CCDC7: variants seen among roughly 807,000 people sequenced by gnomAD.
CCDC7 encodes the protein coiled-coil domain-containing protein 7.
In CCDC7, 183 loss-of-function variants were observed where a neutral mutation model predicts 196.9. The ratio of observed to expected loss-of-function variants is 0.93; its 90% CI spans 0.82 to 1.05. The LOEUF is 1.05. Ranked by LOEUF, CCDC7 falls within the 50% of genes least tolerant of loss-of-function variation. The pLI is 0.00. For missense variants in CCDC7, 1,540 were observed against 1,482.2 expected (o/e 1.04, Z -0.64); for synonymous variants, 525 against 484.6 (o/e 1.08, Z -1.10).
intron 21 of CCDC7, among the ~76,000 whole-genome samples, chr10:32,676,692 A>G (rs1057013188): frequency 6.6e-6 from 1 of 152,076 alleles, no homozygotes; most frequent in Non-Finnish European, 1.5e-5. Context: ...ACCAGTTAGA[A>G]TGGCAATCAT....
chr10:32,658,728 A>G (rs1164765722), intron 20 of CCDC7, among the ~76,000 whole-genome samples: 3 of 152,230 alleles, frequency 2.0e-5, no homozygotes, highest in African/African-American at 4.8e-5. Context: ...CCTGGAGGAT[A>G]TTATGCTAAG....
At chr10:32,705,447 G>A (rs2079553022) in intron 24 of CCDC7, among the ~76,000 whole-genome samples, 1 of 152,094 alleles carries the variant, frequency 6.6e-6, no homozygotes, top group South Asian at 2.1e-4. Flanking sequence ...CAAAATGACA[G>A]GATCAAATTC....
At chr10:32,771,305 A>G (rs534835814) in intron 28 of CCDC7, among the ~76,000 whole-genome samples, 6 of 152,186 alleles carry the variant, frequency 3.9e-5, no homozygotes, top group African/African-American at 1.2e-4. Context: ...AAATGACTTT[A>G]TTTCTTCTTC....
At chr10:32,515,528 G>C (rs981704858) in intron 9 of CCDC7, among the ~76,000 whole-genome samples, 1 of 152,002 alleles carries the variant, frequency 6.6e-6, no homozygotes, top group Non-Finnish European at 1.5e-5. Flanking sequence ...AAAGAACGAG[G>C]CTGGATTACT....
At chr10:32,681,970 C>G (rs1363119264) in intron 21 of CCDC7, among the ~76,000 whole-genome samples, 1 of 152,040 alleles carries the variant, frequency 6.6e-6, no homozygotes, top group Non-Finnish European at 1.5e-5. Flanking sequence ...CTGTGCGAAT[C>G]CTGACTAATC....
At position 32,717,610 on chromosome 10, in the gene CCDC7, C is replaced by G. The variant is rs535550650; in HGVS notation, c.2569+5880C>G. ...GGAGCTGTTTTTTTGAAAAATTTAA[C>G]AAAATAGATAGACCACGAGCCAGAC... is the stretch of plus-strand genomic sequence containing the variant. On this transcript the variant is annotated intron_variant, in intron 25 of 41. Transcript: ENST00000639629. Among the ~76,000 whole-genome samples the G allele has an allele frequency of 2.7e-3, 399 of 149,802 alleles. 4 individuals are homozygous for G. Among genetic ancestry groups the G allele is most frequent in the Non-Finnish European group, 4.9e-3 (335 of 67,902 alleles).
intron 13 of CCDC7, among the ~76,000 whole-genome samples, chr10:32,548,244 G>T (rs182254872): frequency 1.3e-5 from 2 of 152,218 alleles, no homozygotes; most frequent in East Asian, 3.9e-4. Flanking sequence ...GGGTTGGACC[G>T]CACAGTCTAA....
intron 13 of CCDC7, among the ~76,000 whole-genome samples, chr10:32,550,143 A>G (rs2136293058): frequency 6.8e-6 from 1 of 146,050 alleles, no homozygotes; most frequent in East Asian, 2.1e-4. Flanking sequence ...TTGGCTAGGT[A>G]TATTCTTAAG....
rs189950131 is a variant in CCDC7, at chr10:32,462,578, G to A, written c.457-105G>A. 2.4e-4 allele frequency: 216 copies of A among 915,914 alleles called. 1 individual carries two copies. In the Admixed American group the frequency reaches 7.1e-3, roughly 30 times the overall value. 56.7% of individuals were successfully genotyped at this position (915,914 alleles called of 1,614,324 possible). A position where few individuals can be genotyped will look rare whatever the true frequency, so the allele number is the denominator to read the frequency against. ...TTATAAAGTTATATTTTAATACTTAGTACATTTTTGTGATTGAAAATTGCA... is the reference window on the plus strand; with the variant it reads ...TTATAAAGTTATATTTTAATACTTAATACATTTTTGTGATTGAAAATTGCA... On this transcript the variant is annotated intron_variant, in intron 3 of 41. Transcript: ENST00000639629.
intron 41 of CCDC7, among the ~76,000 whole-genome samples, chr10:32,859,739 C>G (rs1044660251): frequency 6.6e-6 from 1 of 152,012 alleles, no homozygotes; most frequent in Non-Finnish European, 1.5e-5. Context: ...ATATCACCAC[C>G]GATCCCACAG....
rs79565735 is a variant in CCDC7, at chr10:32,792,358, T to A, written c.3014-12657T>A. On this transcript the variant is annotated intron_variant, in intron 29 of 41. Transcript: ENST00000639629. ...CTAGAATAAAGGTTAAAAGTCAAAA[T>A]TGTCAGAAATAACTAAAGCTACAAT... 1.2e-4 allele frequency among the ~76,000 whole-genome samples: 19 copies of A among 152,280 alleles called. No individual in the cohort carries two copies. The East Asian group carries it at 3.7e-3, about 29-fold the overall frequency.
At chr10:32,769,939 A>G (rs1286108648) in intron 28 of CCDC7, among the ~76,000 whole-genome samples, 1 of 152,214 alleles carries the variant, frequency 6.6e-6, no homozygotes, top group African/African-American at 2.4e-5. Context: ...CGCAATAAAC[A>G]TACATGTGCA....
At chr10:32,749,979 TTTC>T (rs911889496) in intron 28 of CCDC7, among the ~76,000 whole-genome samples, 10 of 152,312 alleles carry the variant, frequency 6.6e-5, no homozygotes, top group Admixed American at 3.9e-4. Context: ...AGATAACAGT[TTTC>T]TTGTTTCCTC....
intron 31 of CCDC7, among the ~76,000 whole-genome samples, chr10:32,820,769 A>G (rs1288956231): frequency 6.6e-6 from 1 of 152,240 alleles, no homozygotes; most frequent in African/African-American, 2.4e-5. Flanking sequence ...CCATATGTAG[A>G]AAGCTGAAAC....
chr10:32,845,095 G>T (rs985001694), intron 33 of CCDC7, 148 bp from the exon 35 acceptor site: 4 of 474,598 alleles, frequency 8.4e-6, no homozygotes, highest in African/African-American at 2.0e-5. Context: ...AATTAAGTAT[G>T]AACCTTTAAT....
intron 13 of CCDC7, among the ~76,000 whole-genome samples, chr10:32,549,121 G>A (rs976434033): frequency 6.6e-6 from 1 of 152,128 alleles, no homozygotes; most frequent in African/African-American, 2.4e-5. Flanking sequence ...GGAGCAAGGT[G>A]GTATGGCATT....
rs143300183 is a variant in CCDC7 at position 32,665,646 on chromosome 10, T to C, written c.2122+1485T>C. On this transcript the variant is annotated intron_variant, in intron 21 of 41. Transcript: ENST00000639629. Reference sequence around the variant, plus strand: ...TAAATAATATGTTTTAAAATTAGGATGTACAGTGCCTCCAGCTTTGTTTTT... The same window carrying C: ...TAAATAATATGTTTTAAAATTAGGACGTACAGTGCCTCCAGCTTTGTTTTT... Among the ~76,000 whole-genome samples, 1,011 of 152,154 alleles carry C rather than the reference T, an allele frequency of 6.6e-3. 8 individuals are homozygous for C. Among genetic ancestry groups the C allele is most frequent in the African/African-American group, 0.022 (903 of 41,566 alleles).
At chr10:32,565,450 C>T in intron 13 of CCDC7, 108 bp from the exon 15 acceptor site, 1 of 1,138,222 alleles carries the variant, frequency 8.8e-7, no homozygotes. Context: ...TGTCTATGCT[C>T]AATTCTTATC....
chr10:32,621,392 A>G (rs932799496), intron 18 of CCDC7, among the ~76,000 whole-genome samples: 1 of 152,112 alleles, frequency 6.6e-6, no homozygotes, highest in Non-Finnish European at 1.5e-5. Flanking sequence ...ACATGTTTTC[A>G]TTATCTGTCT....
Sources: gnomAD v4.1 joint callset for allele counts (sites outside exome capture counted in the v4.1 genomes callset) on GRCh38, gnomAD v4.1.1 for gene constraint, MANE v1.5 for transcripts, NCBI Gene and HGNC (gene_info 2026-07-23, HGNC 2026-07-21) for gene names.